AFF2: variants seen among roughly 807,000 people sequenced by gnomAD.
The protein encoded by AFF2 is ALF transcription elongation factor 2.
AFF2 carries 14 observed loss-of-function variants against 76.9 expected under a neutral mutation model. That is an observed-to-expected ratio of 0.18 (90% CI 0.12 to 0.28). AFF2 has a LOEUF of 0.28. AFF2 is among the 10% of genes least tolerant of loss of function. The pLI is 1.00. For synonymous variants in AFF2, 398 were observed against 366.7 expected (o/e 1.09, Z -0.98); for missense variants, 868 against 1,001.1 (o/e 0.87, Z 1.79).
At chrX:148,523,024 G>A (rs2052618456) in intron 1 of AFF2, among the ~76,000 whole-genome samples, 1 of 111,786 alleles carries the variant, frequency 8.9e-6, no homozygotes, top group African/African-American at 3.3e-5. Flanking sequence ...ACAGGAATTC[G>A]ACTCCAGTGA....
At chrX:148,532,057 G>C (rs1315009229) in intron 1 of AFF2, among the ~76,000 whole-genome samples, 1 of 110,970 alleles carries the variant, frequency 9.0e-6, no homozygotes, top group Admixed American at 9.6e-5. Flanking sequence ...TACTAAGACA[G>C]AACATACAAA....
intron 1 of AFF2, among the ~76,000 whole-genome samples, chrX:148,532,656 G>T (rs1424081479): frequency 6.2e-5 from 7 of 112,344 alleles, no homozygotes; most frequent in African/African-American, 1.9e-4. Flanking sequence ...AGAAGTCAAG[G>T]CATCACATTC....
intron 3 of AFF2, among the ~76,000 whole-genome samples, chrX:148,807,441 T>C (rs1198169787): frequency 1.8e-5 from 2 of 111,921 alleles, no homozygotes; most frequent in Admixed American, 9.4e-5. Context: ...ATTACTATTA[T>C]TCTTTCCTTT....
intron 4 of AFF2, among the ~76,000 whole-genome samples, chrX:148,816,523 G>A (rs1163756703): frequency 9.0e-6 from 1 of 111,327 alleles, no homozygotes; most frequent in Admixed American, 9.6e-5. Context: ...AAGAAACACT[G>A]ATTTTCAGAA....
chrX:148,573,828 G>T (rs1471751272), intron 1 of AFF2, among the ~76,000 whole-genome samples: 1 of 111,304 alleles, frequency 9.0e-6, no homozygotes, highest in East Asian at 2.8e-4. Flanking sequence ...TGGGGAGAAA[G>T]AAAAATCATG....
intron 2 of AFF2, among the ~76,000 whole-genome samples, chrX:148,656,493 A>ATTTTT (rs1205846596): frequency 1.2e-4 from 8 of 68,081 alleles, no homozygotes; most frequent in Non-Finnish European, 1.4e-4. Context: ...TCCATGAGGA[A>ATTTTT]TTTTTTTTTT....
At chrX:148,611,973 G>A (rs782808383) in intron 1 of AFF2, among the ~76,000 whole-genome samples, 1 of 111,952 alleles carries the variant, frequency 8.9e-6, no homozygotes, top group Admixed American at 9.4e-5. Context: ...CTTGATAACA[G>A]CATGTGTGAA....
intron 9 of AFF2, among the ~76,000 whole-genome samples, chrX:148,922,123 T>C (rs1557283274): frequency 2.7e-5 from 3 of 112,066 alleles, no homozygotes. Context: ...CATAAAATCT[T>C]GGACAACTGA....
intron 4 of AFF2, chrX:148,822,130 A>G (rs1309146362): frequency 1.8e-5 from 2 of 111,987 alleles, no homozygotes; most frequent in African/African-American, 6.5e-5. Flanking sequence ...TATTATCACC[A>G]TTTGTGTGCT....
intron 3 of AFF2, among the ~76,000 whole-genome samples, chrX:148,685,242 G>A: frequency 8.9e-6 from 1 of 112,141 alleles, no homozygotes; most frequent in East Asian, 2.8e-4. Flanking sequence ...GGGACAGGAG[G>A]AAAAGGGGAG....
At chrX:148,868,276 T>C (rs1423628138) in intron 7 of AFF2, among the ~76,000 whole-genome samples, 3 of 111,832 alleles carry the variant, frequency 2.7e-5, no homozygotes, top group Non-Finnish European at 5.6e-5. Context: ...CCCCCAGCTC[T>C]TCTTCCCCCA....
chrX:148,680,205 T>G (rs1023026934), intron 3 of AFF2, among the ~76,000 whole-genome samples: 5 of 112,272 alleles, frequency 4.5e-5, no homozygotes, highest in African/African-American at 1.6e-4. Context: ...ACTGGATTTT[T>G]GCCAATTCCA....
intron 5 of AFF2, among the ~76,000 whole-genome samples, chrX:148,842,503 G>A (rs782234515): frequency 8.9e-6 from 1 of 112,143 alleles, no homozygotes; most frequent in Non-Finnish European, 1.9e-5. Flanking sequence ...TCTATAAAAG[G>A]GAAAAACTGG....
rs144842377 is a variant in AFF2 at position 148,542,236 on chromosome X, A to T, written c.47+41092A>T. Reference sequence around the variant, plus strand: ...ACTTATAAAACGTTTAGCTCAGTCAAGTTGGGTGATGTCTACTACTTGGCA... The same window carrying T: ...ACTTATAAAACGTTTAGCTCAGTCATGTTGGGTGATGTCTACTACTTGGCA... On this transcript the variant is annotated intron_variant, in intron 1 of 20. Coordinates refer to ENST00000370460, the MANE Select transcript of AFF2 (RefSeq NM_002025.4). Among the ~76,000 whole-genome samples the T allele has an allele frequency of 1.2e-4, 13 of 109,231 alleles. No homozygotes were observed. The East Asian group carries it at 3.8e-3, about 32-fold the overall frequency. 94.9% of individuals were successfully genotyped at this position (109,231 alleles called of 115,157 possible).
At chrX:148,783,730 A>G (rs1328345967) in intron 3 of AFF2, among the ~76,000 whole-genome samples, 1 of 111,681 alleles carries the variant, frequency 9.0e-6, no homozygotes. Context: ...GTGGATCTGC[A>G]ATAATCCTAA....
intron 12 of AFF2, among the ~76,000 whole-genome samples, chrX:148,958,995 GAAA>G (rs3060071): frequency 0.13 from 11,585 of 89,512 alleles, 1,392 homozygotes; most frequent in African/African-American, 0.37. Context: ...CCAAGGGAAT[GAAA>G]AAAAAAAAAA....
intron 3 of AFF2, among the ~76,000 whole-genome samples, chrX:148,784,373 G>T (rs1273450100): frequency 8.9e-6 from 1 of 111,836 alleles, no homozygotes; most frequent in Non-Finnish European, 1.9e-5. Context: ...GACTTAATTA[G>T]GAAAAGCTGC....
intron 1 of AFF2, among the ~76,000 whole-genome samples, chrX:148,632,876 G>C (rs2053993605): frequency 8.9e-6 from 1 of 112,119 alleles, no homozygotes; most frequent in Non-Finnish European, 1.9e-5. Flanking sequence ...CACTGAGCTA[G>C]TTAGTGACAG....
chrX:148,770,957 G>T (rs1557268062), intron 3 of AFF2, among the ~76,000 whole-genome samples: 1 of 111,963 alleles, frequency 8.9e-6, no homozygotes, highest in Admixed American at 9.5e-5. Context: ...GTGGCTCACT[G>T]TGCCTCAATT....
Sources: allele counts gnomAD v4.1 joint callset (sites outside exome capture counted in the v4.1 genomes callset), GRCh38; gene constraint gnomAD v4.1.1; transcripts MANE v1.5; gene names NCBI Gene and HGNC (gene_info 2026-07-23, HGNC 2026-07-21).